The following SLC8A1 variants were observed in gnomAD, a reference collection of about 807,000 sequenced individuals.
The protein encoded by SLC8A1 is sodium/calcium exchanger 1.
A neutral mutation model predicts 68.3 loss-of-function variants in SLC8A1; 18 were observed. The observed-to-expected ratio is 0.26, with a 90% CI of 0.18 to 0.39. SLC8A1 has a LOEUF of 0.39. Ranked by LOEUF, SLC8A1 falls within the 10% of genes least tolerant of loss-of-function variation. The pLI is 1.00. For synonymous variants in SLC8A1, 475 were observed against 415.5 expected, an observed-to-expected ratio of 1.14 and a Z score of -1.74; for missense variants, 985 against 1,156.7, an observed-to-expected ratio of 0.85 and a Z score of 2.15.
In SLC8A1 at chr2:40,415,857, T is replaced by TAC. The variant is rs1491346327; in HGVS notation, c.1808+12615_1808+12616insGT. Among the ~76,000 whole-genome samples the TAC allele has an allele frequency of 2.0e-3, 200 of 101,788 alleles. 1 individual carries two copies. The highest frequency in any genetic ancestry group is 2.6e-3 in the Non-Finnish European group (138 of 53,590). The allele number at this position is 101,788 out of a possible 152,430, so 66.8% of individuals were successfully genotyped here. A position where few individuals can be genotyped will look rare whatever the true frequency, so the allele number is the denominator to read the frequency against. On this transcript the variant is annotated intron_variant, in intron 2 of 7. Coordinates refer to ENST00000406785, the Ensembl canonical transcript of SLC8A1. ...GGTGAAACCCCATCTCTACTAAAAG[T>TAC]ATACACACACACACACACACACACA...
intron 2 of SLC8A1, among the ~76,000 whole-genome samples, chr2:40,381,282 C>G (rs911284681): frequency 1.1e-4 from 17 of 151,968 alleles, no homozygotes; most frequent in African/African-American, 4.1e-4. Flanking sequence ...ACATGCTCCA[C>G]CCACCCACCC....
intron 2 of SLC8A1, among the ~76,000 whole-genome samples, chr2:40,262,071 T>G (rs575843407): frequency 6.6e-6 from 1 of 152,030 alleles, no homozygotes; most frequent in Admixed American, 6.5e-5. Flanking sequence ...CAAGCAATTC[T>G]CCTGTCTCAG....
chr2:40,246,183 T>C (rs451811), intron 2 of SLC8A1, among the ~76,000 whole-genome samples: 26,460 of 152,214 alleles, frequency 0.17, 3,093 homozygotes, highest in African/African-American at 0.32. Context: ...ATGTAGGTTT[T>C]ATAGTTGCAC....
At chr2:40,373,698 CTCAGAAT>C (rs1309158710) in intron 2 of SLC8A1, among the ~76,000 whole-genome samples, 1 of 152,034 alleles carries the variant, frequency 6.6e-6, no homozygotes, top group Non-Finnish European at 1.5e-5. Context: ...GGATCCGAGG[CTCAGAAT>C]TCCCACTTTT....
At chr2:40,244,917 T>C (rs935788543) in intron 2 of SLC8A1, among the ~76,000 whole-genome samples, 7 of 152,274 alleles carry the variant, frequency 4.6e-5, no homozygotes, top group African/African-American at 1.7e-4. Context: ...AGTGCACTCA[T>C]TCTCTGGAAA....
chr2:40,373,329 C>G (rs1231588598), intron 2 of SLC8A1, among the ~76,000 whole-genome samples: 1 of 152,124 alleles, frequency 6.6e-6, no homozygotes, highest in Non-Finnish European at 1.5e-5. Context: ...CAGGGTCAAT[C>G]TCAGCAGAAA....
intron 2 of SLC8A1, among the ~76,000 whole-genome samples, chr2:40,263,946 C>T (rs2065032622): frequency 1.3e-5 from 2 of 152,120 alleles, no homozygotes. Flanking sequence ...TCACAACCTA[C>T]TCATCTGACA....
intron 1 of SLC8A1, among the ~76,000 whole-genome samples, chr2:40,496,555 AG>A (rs1459330410): frequency 1.3e-5 from 2 of 152,050 alleles, no homozygotes; most frequent in East Asian, 3.9e-4. Flanking sequence ...TGTGCATATT[AG>A]AAGATGAAAT....
chr2:40,188,808 G>C lies in SLC8A1; in HGVS notation c.1809-10953C>G, dbSNP rs182043880. 1.4e-3 allele frequency among the ~76,000 whole-genome samples: 208 copies of C among 152,176 alleles called. 2 individuals are homozygous for C. Among genetic ancestry groups the C allele is most frequent in the African/African-American group, 4.8e-3 (198 of 41,500 alleles). ...CCCTCCTTCCCTCTCTGTGTCCCTG[G>C]CCACAAAATGCACAGTGGCAAATCA... is the stretch of plus-strand genomic sequence containing the variant. On this transcript the variant is annotated intron_variant, in intron 2 of 7. Transcript: ENST00000406785.
chr2:40,361,331 A>G (rs2149480393), intron 2 of SLC8A1, among the ~76,000 whole-genome samples: 1 of 152,252 alleles, frequency 6.6e-6, no homozygotes, highest in South Asian at 2.1e-4. Flanking sequence ...CAAGTTTTCA[A>G]TTGTGATATG....
chr2:40,178,535 A>T, intron 2 of SLC8A1, 42 bp from the exon 3 acceptor site: 1 of 1,497,636 alleles, frequency 6.7e-7, no homozygotes, highest in Non-Finnish European at 9.3e-7. Flanking sequence ...GGGAAGAGGA[A>T]AGAGAAGAGA....
intron 1 of SLC8A1, among the ~76,000 whole-genome samples, chr2:40,443,850 T>C (rs1378507496): frequency 3.3e-5 from 5 of 152,290 alleles, no homozygotes; most frequent in African/African-American, 2.4e-5. Context: ...CCATCTATAA[T>C]ATAACACCTG....
intron 1 of SLC8A1, among the ~76,000 whole-genome samples, chr2:40,504,984 A>T (rs1209246421): frequency 1.3e-5 from 2 of 151,970 alleles, no homozygotes; most frequent in East Asian, 3.9e-4. Context: ...GGATATCAAT[A>T]TATGGAAGTG....
intron 5 of SLC8A1, 94 bp from the exon 9 acceptor site, chr2:40,160,958 A>G: frequency 1.2e-6 from 1 of 842,996 alleles, no homozygotes; most frequent in Non-Finnish European, 2.0e-6. Context: ...AGAGTTATAT[A>G]AAGGGTAGCA....
chr2:40,419,705 G>A (rs1042764843), intron 2 of SLC8A1, among the ~76,000 whole-genome samples: 1 of 152,210 alleles, frequency 6.6e-6, no homozygotes, highest in East Asian at 1.9e-4. Context: ...GTAACATTAG[G>A]ATTTTTCTTT....
chr2:40,376,681 G>C (rs1457464438), intron 2 of SLC8A1, among the ~76,000 whole-genome samples: 1 of 152,106 alleles, frequency 6.6e-6, no homozygotes, highest in Non-Finnish European at 1.5e-5. Context: ...CACTTAGCCA[G>C]TGGAGGCCCC....
intron 6 of SLC8A1, among the ~76,000 whole-genome samples, chr2:40,144,299 T>C (rs923342967): frequency 1.3e-5 from 2 of 152,192 alleles, no homozygotes; most frequent in African/African-American, 2.4e-5. Context: ...CCTGATCTTA[T>C]TTCATCCTTA....
chr2:40,394,083 A>C (rs933623782), intron 2 of SLC8A1, among the ~76,000 whole-genome samples: 4 of 152,058 alleles, frequency 2.6e-5, no homozygotes, highest in Non-Finnish European at 4.4e-5. Flanking sequence ...GAATGCTGCT[A>C]AACATCCTAC....
intron 1 of SLC8A1, among the ~76,000 whole-genome samples, chr2:40,485,341 G>A (rs1704894377): frequency 6.6e-6 from 1 of 152,126 alleles, no homozygotes; most frequent in South Asian, 2.1e-4. Context: ...CCTACTTATT[G>A]GCCAGGTTTA....
Sources: allele counts gnomAD v4.1 joint callset (sites outside exome capture counted in the v4.1 genomes callset), GRCh38; gene constraint gnomAD v4.1.1; transcripts MANE v1.5; gene names NCBI Gene and HGNC (gene_info 2026-07-23, HGNC 2026-07-21).